The following ANKRD12 variants were observed in gnomAD, a reference collection of about 807,000 sequenced individuals.
ANKRD12 encodes ankyrin repeat domain-containing protein 12.
A neutral mutation model predicts 183.4 loss-of-function variants in ANKRD12; 85 were observed. The ratio of observed to expected loss-of-function variants is 0.46; its 90% CI spans 0.39 to 0.56. ANKRD12 has a LOEUF of 0.56. Ranked by LOEUF, ANKRD12 falls within the 20% of genes least tolerant of loss-of-function variation. The pLI is 0.00. For missense variants in ANKRD12, 2,405 were observed against 2,357.1 expected (o/e 1.02, Z -0.42); for synonymous variants, 914 against 800.2 (o/e 1.14, Z -2.40).
At position 9,256,366 on chromosome 18, in the gene ANKRD12, TAAAGA is replaced by T; in HGVS notation, c.3100_3104del (p.Lys1034Ter). On this transcript the variant is annotated frameshift_variant, in exon 9 of 13. Coordinates refer to ENST00000262126, the MANE Select transcript of ANKRD12 (RefSeq NM_015208.5). LOFTEE classifies it high-confidence loss of function. ...ATAGATACAAAGAACGAGACAAACA[TAAAGA>T]TAAAATTCAAATAAATAGCTTACTC... 6.3e-7 allele frequency: 1 copy of T among 1,599,260 alleles called. No individual in the cohort carries two copies. Among genetic ancestry groups the T allele is most frequent in the Non-Finnish European group, 8.5e-7 (1 of 1,173,934 alleles).
chr18:9,227,295 C>A (rs956423995), intron 8 of ANKRD12, among the ~76,000 whole-genome samples: 1 of 152,036 alleles, frequency 6.6e-6, no homozygotes, highest in South Asian at 2.1e-4. Context: ...TCTCTAACTT[C>A]TTGTGAGTGT....
chr18:9,232,627 C>T (rs1185533016), intron 8 of ANKRD12, among the ~76,000 whole-genome samples: 1 of 152,100 alleles, frequency 6.6e-6, no homozygotes, highest in Non-Finnish European at 1.5e-5. Context: ...GAACACTGGG[C>T]CTCCTGCATC....
intron 1 of ANKRD12, among the ~76,000 whole-genome samples, chr18:9,152,627 G>C (rs1275925192): frequency 1.3e-5 from 2 of 151,396 alleles, no homozygotes; most frequent in Admixed American, 6.6e-5. Context: ...TATATATATT[G>C]GAAGTTATCT....
At chr18:9,248,869 C>T (rs757847203) in intron 8 of ANKRD12, among the ~76,000 whole-genome samples, 5 of 152,088 alleles carry the variant, frequency 3.3e-5, no homozygotes, top group Non-Finnish European at 5.9e-5. Context: ...ATGTTTGGCA[C>T]CTCTTCAGAT....
At chr18:9,269,065 G>C (rs2039459010) in intron 10 of ANKRD12, among the ~76,000 whole-genome samples, 1 of 152,098 alleles carries the variant, frequency 6.6e-6, no homozygotes, top group Admixed American at 6.5e-5. Flanking sequence ...ACTTACAAGG[G>C]ATGTGAAGGA....
Position 9,282,587 on chromosome 18 carries a change from A to C in ANKRD12, c.*1461A>C, listed in dbSNP as rs936589535. 6.6e-6 allele frequency: 1 copy of C among 152,580 alleles called. No homozygotes were observed. The highest frequency in any genetic ancestry group is 2.4e-5 in the African/African-American group (1 of 41,480). 9.5% of individuals were successfully genotyped at this position (152,580 alleles called of 1,614,324 possible). A position where few individuals can be genotyped will look rare whatever the true frequency, so the allele number is the denominator to read the frequency against. On this transcript the variant is annotated 3_prime_UTR_variant, in exon 13 of 13. Coordinates refer to ENST00000262126, the MANE Select transcript of ANKRD12 (RefSeq NM_015208.5). ...TTTGAAAGGAAAATTAGGTTAGCGTACAATTTATCATAAATATATGAGGTA... is the reference window on the plus strand; with the variant it reads ...TTTGAAAGGAAAATTAGGTTAGCGTCCAATTTATCATAAATATATGAGGTA...
chr18:9,203,389 G>GT (rs2035288961), intron 3 of ANKRD12, among the ~76,000 whole-genome samples: 1 of 152,044 alleles, frequency 6.6e-6, no homozygotes, highest in Non-Finnish European at 1.5e-5. Context: ...TGAATACTGT[G>GT]TAACAGTGAT....
intron 1 of ANKRD12, among the ~76,000 whole-genome samples, chr18:9,164,727 T>A (rs904107300): frequency 5.9e-5 from 9 of 152,218 alleles, no homozygotes; most frequent in Admixed American, 5.9e-4. Context: ...TCGTCTTGAG[T>A]TCTGATTTGA....
chr18:9,141,573 C>T (rs2078316536), intron 1 of ANKRD12, among the ~76,000 whole-genome samples: 2 of 152,222 alleles, frequency 1.3e-5, no homozygotes, highest in Middle Eastern at 6.8e-3. Context: ...CATGGAGATG[C>T]TTCCAACTTA....
Position 9,254,293 on chromosome 18 carries a change from T to C in ANKRD12, c.1026T>C (p.Cys342=). ...DSETEKDSLI[C]ESKQILPSKT... is the part of the protein sequence containing the mutation. ...AAACAGAGAAAGACTCTCTCATCTG[T>C]GAAAGTAAACAGATACTTCCCAGTA... The change falls in exon 9 of 13, where the codon TGT becomes TGC. Residue 342 remains cysteine (C), a synonymous_variant. Coordinates refer to ENST00000262126, the MANE Select transcript of ANKRD12 (RefSeq NM_015208.5). 1 of 1,612,392 alleles carries C rather than the reference T, an allele frequency of 6.2e-7. No homozygotes were observed.
Position 9,255,570 on chromosome 18 carries a change from A to G in ANKRD12, c.2303A>G (p.Lys768Arg). Reference sequence around the variant, plus strand: ...AAATCTTTTAGGGAGGAAAAAATAAAAGATCTAAAAGAAGAGAGAGAAAAC... The same window carrying G: ...AAATCTTTTAGGGAGGAAAAAATAAGAGATCTAAAAGAAGAGAGAGAAAAC... ...SEKSFREEKIKDLKEERENIP... is the reference protein window; with the variant it reads ...SEKSFREEKIRDLKEERENIP... Residue 768 changes from lysine to arginine, a missense_variant, in exon 9 of 13, where the codon AAA becomes AGA. By Grantham distance (26) the Lys-to-Arg change is conservative (BLOSUM62 2). Coordinates refer to ENST00000262126, the MANE Select transcript of ANKRD12 (RefSeq NM_015208.5). The G allele has an allele frequency of 1.3e-6, 2 of 1,568,510 alleles. No individual in the cohort carries two copies. The highest frequency in any genetic ancestry group is 1.7e-6 in the Non-Finnish European group (2 of 1,168,200).
chr18:9,175,940 C>CAA lies in ANKRD12; in HGVS notation c.-51-6435_-51-6434dup, dbSNP rs140464708. Among the ~76,000 whole-genome samples, 370 of 151,542 alleles carry CAA rather than the reference C, an allele frequency of 2.4e-3. 8 individuals are homozygous for CAA. Among genetic ancestry groups the CAA allele is most frequent in the African/African-American group, 8.4e-3 (346 of 41,330 alleles). On this transcript the variant is annotated intron_variant, in intron 1 of 12. Coordinates refer to ENST00000262126, the MANE Select transcript of ANKRD12 (RefSeq NM_015208.5). ...TTAGGATAAAGGACAATTTATGAAC[C>CAA]AAAAAAAACTCTTTGTTTCCTGAAC...
intron 3 of ANKRD12, 72 bp from the exon 4 acceptor site, chr18:9,204,404 T>C: frequency 9.3e-7 from 1 of 1,079,176 alleles, no homozygotes. Flanking sequence ...TTTTGAAAAA[T>C]GTTGGTTTGT....
chr18:9,159,186 C>A (rs566512159), intron 1 of ANKRD12, among the ~76,000 whole-genome samples: 1 of 152,152 alleles, frequency 6.6e-6, no homozygotes, highest in South Asian at 2.1e-4. Flanking sequence ...TGGGCTGTTG[C>A]GGCTTGTGGA....
At chr18:9,227,018 G>A (rs1448426410) in intron 8 of ANKRD12, among the ~76,000 whole-genome samples, 1 of 152,112 alleles carries the variant, frequency 6.6e-6, no homozygotes, top group South Asian at 2.1e-4. Context: ...CATTTAACAA[G>A]GAAATGGACA....
intron 8 of ANKRD12, among the ~76,000 whole-genome samples, chr18:9,239,865 A>T (rs958764700): frequency 6.6e-6 from 1 of 152,218 alleles, no homozygotes; most frequent in African/African-American, 2.4e-5. Context: ...CTAAGAGGGT[A>T]TCATGTACGT....
chr18:9,202,069 C>T (rs1384561250), intron 3 of ANKRD12, among the ~76,000 whole-genome samples: 1 of 152,084 alleles, frequency 6.6e-6, no homozygotes, highest in Non-Finnish European at 1.5e-5. Flanking sequence ...CTCAATTGAT[C>T]CACCCACCTC....
chr18:9,233,775 G>T (rs1339459182), intron 8 of ANKRD12, among the ~76,000 whole-genome samples: 1 of 152,222 alleles, frequency 6.6e-6, no homozygotes, highest in Non-Finnish European at 1.5e-5. Context: ...AGACATGTCA[G>T]GTGGGCCAGT....
chr18:9,223,578 A>G (rs1188054398), intron 8 of ANKRD12, among the ~76,000 whole-genome samples: 1 of 152,208 alleles, frequency 6.6e-6, no homozygotes, highest in Non-Finnish European at 1.5e-5. Context: ...GTGGTAATAA[A>G]AGCATATGAA....
Sources: allele counts gnomAD v4.1 joint callset (sites outside exome capture counted in the v4.1 genomes callset), GRCh38; gene constraint gnomAD v4.1.1; transcripts MANE v1.5; gene names NCBI Gene and HGNC (gene_info 2026-07-23, HGNC 2026-07-21).